CEP112: variants seen among roughly 807,000 people sequenced by gnomAD.
CEP112 encodes centrosomal protein 112, also known as centrosomal protein of 112 kDa.
In CEP112, 127 loss-of-function variants were observed where a neutral mutation model predicts 153.0. The observed-to-expected ratio is 0.83, with a 90% CI of 0.72 to 0.96. The LOEUF is 0.96. Among genes scored for constraint, CEP112 ranks in the 40% least tolerant of loss-of-function variants. The pLI, the probability that CEP112 is intolerant of heterozygous loss-of-function variation, is 0.00. For synonymous variants in CEP112, 358 were observed against 374.4 expected (o/e 0.96, Z 0.51); for missense variants, 1,089 against 1,101.2 (o/e 0.99, Z 0.16).
chr17:65,719,761 T>C (rs1056268074), intron 23 of CEP112, among the ~76,000 whole-genome samples: 3 of 145,244 alleles, frequency 2.1e-5, no homozygotes, highest in African/African-American at 7.3e-5. Context: ...TAACTGAAGA[T>C]TTTTTAAAAG....
intron 24 of CEP112, among the ~76,000 whole-genome samples, chr17:65,656,841 C>T (rs998426257): frequency 2.0e-5 from 3 of 152,208 alleles, no homozygotes; most frequent in Non-Finnish European, 4.4e-5. Flanking sequence ...ATGAACGAAT[C>T]ACACAGAGCT....
At chr17:65,703,523 G>GAAAAAAAA (rs35175056) in intron 23 of CEP112, among the ~76,000 whole-genome samples, 1 of 125,642 alleles carries the variant, frequency 8.0e-6, no homozygotes, top group Non-Finnish European at 1.6e-5. Context: ...AAAAAAGAAG[G>GAAAAAAAA]AAAAAAAAAA....
intron 8 of CEP112, among the ~76,000 whole-genome samples, chr17:66,094,242 T>G (rs1315398871): frequency 6.6e-6 from 1 of 151,954 alleles, no homozygotes; most frequent in Non-Finnish European, 1.5e-5. Context: ...GTATTTTTAG[T>G]AGGGATGGGG....
At chr17:65,728,598 C>T (rs2050313917) in intron 23 of CEP112, among the ~76,000 whole-genome samples, 2 of 152,164 alleles carry the variant, frequency 1.3e-5, no homozygotes, top group African/African-American at 4.8e-5. Flanking sequence ...ACATTTCCTG[C>T]ACCTTATGCC....
intron 20 of CEP112, among the ~76,000 whole-genome samples, chr17:65,860,030 AC>A (rs376898476): frequency 0.037 from 5,345 of 146,172 alleles, 224 homozygotes; most frequent in Middle Eastern, 0.052. Flanking sequence ...AAAAAAAAAA[AC>A]AAAAACCTAT....
rs889405491 is a variant in CEP112, at chr17:65,638,136, G to C, written c.2800-948C>G. Reference sequence around the variant, plus strand: ...ACCGCCTAGTGCAGAGCTCAAAGCAGGTACAACCCCCAGACCGCCATTCTT... The same window carrying C: ...ACCGCCTAGTGCAGAGCTCAAAGCACGTACAACCCCCAGACCGCCATTCTT... On this transcript the variant is annotated intron_variant, in intron 25 of 26. Coordinates refer to ENST00000535342, the MANE Select transcript of CEP112 (RefSeq NM_001199165.4). Among the ~76,000 whole-genome samples the C allele has an allele frequency of 1.2e-4, 19 of 152,222 alleles. 2 individuals carry two copies. The highest frequency in any genetic ancestry group is 1.2e-3 in the Admixed American group (18 of 15,282).
At chr17:65,993,630 G>T (rs1401485959) in intron 17 of CEP112, among the ~76,000 whole-genome samples, 4 of 152,040 alleles carry the variant, frequency 2.6e-5, no homozygotes, top group Non-Finnish European at 5.9e-5. Context: ...ATATATGGTG[G>T]TATATTCACC....
At chr17:65,940,850 T>A (rs187287769) in intron 18 of CEP112, among the ~76,000 whole-genome samples, 1 of 152,240 alleles carries the variant, frequency 6.6e-6, no homozygotes, top group East Asian at 1.9e-4. Flanking sequence ...TAATAATATA[T>A]ATTTCAAAAT....
At chr17:66,108,115 G>C (rs2068863008) in intron 6 of CEP112, among the ~76,000 whole-genome samples, 1 of 152,096 alleles carries the variant, frequency 6.6e-6, no homozygotes, top group African/African-American at 2.4e-5. Context: ...AATGAAATTA[G>C]AGCCCTATCC....
intron 6 of CEP112, among the ~76,000 whole-genome samples, chr17:66,120,941 T>C (rs1466815739): frequency 1.3e-5 from 2 of 152,202 alleles, no homozygotes; most frequent in African/African-American, 4.8e-5. Context: ...GGGGTTTAGA[T>C]TCATAATTTA....
intron 21 of CEP112, among the ~76,000 whole-genome samples, chr17:65,839,704 T>C (rs1475580683): frequency 6.6e-6 from 1 of 151,908 alleles, no homozygotes; most frequent in African/African-American, 2.4e-5. Context: ...ATAAGGGGCA[T>C]CCAAATTAGA....
intron 24 of CEP112, among the ~76,000 whole-genome samples, chr17:65,685,775 C>A (rs537378045): frequency 6.7e-6 from 1 of 148,646 alleles, no homozygotes; most frequent in African/African-American, 2.5e-5. Context: ...CAGGTTCAAG[C>A]GATTCTCCTG....
intron 8 of CEP112, among the ~76,000 whole-genome samples, chr17:66,086,380 C>CTTTT (rs71160531): frequency 3.0e-5 from 2 of 67,026 alleles, no homozygotes; most frequent in African/African-American, 1.3e-4. Flanking sequence ...ATTTTCTTTT[C>CTTTT]TTTTTTTTTT....
chr17:66,064,035 C>T (rs1451968071), intron 10 of CEP112, among the ~76,000 whole-genome samples: 9 of 152,158 alleles, frequency 5.9e-5, no homozygotes, highest in Admixed American at 5.9e-4. Context: ...ATTCACTCAA[C>T]CAGATTTCTC....
chr17:65,700,407 C>T (rs1043297046), intron 23 of CEP112, among the ~76,000 whole-genome samples: 6 of 152,116 alleles, frequency 3.9e-5, no homozygotes, highest in African/African-American at 7.2e-5. Context: ...AAGCAACAAA[C>T]GCCAGGGAAA....
intron 21 of CEP112, among the ~76,000 whole-genome samples, chr17:65,813,861 A>G (rs1299118753): frequency 6.6e-6 from 1 of 152,232 alleles, no homozygotes; most frequent in Non-Finnish European, 1.5e-5. Context: ...TTTAAAAAAT[A>G]CAGAGAAGAT....
chr17:65,798,741 T>C (rs1568030458), intron 21 of CEP112, among the ~76,000 whole-genome samples: 1 of 152,220 alleles, frequency 6.6e-6, no homozygotes, highest in African/African-American at 2.4e-5. Context: ...AGAAAGGTTA[T>C]AGTTAATTGC....
chr17:65,661,709 T>A (rs1417865838), intron 24 of CEP112: 1 of 152,218 alleles, frequency 6.6e-6, no homozygotes, highest in Non-Finnish European at 1.5e-5. Context: ...GGACTGTTTT[T>A]GCCAATGTAA....
At chr17:65,644,259 G>T in intron 24 of CEP112, 1 of 601,330 alleles carries the variant, frequency 1.7e-6, no homozygotes. Context: ...ATCCTTATCT[G>T]TTTAGAATGT....
Sources: gnomAD v4.1 joint callset for allele counts (sites outside exome capture counted in the v4.1 genomes callset) on GRCh38, gnomAD v4.1.1 for gene constraint, MANE v1.5 for transcripts, NCBI Gene and HGNC (gene_info 2026-07-23, HGNC 2026-07-21) for gene names.